Variants in PIK3C2G observed in about 807,000 individuals in gnomAD.
PIK3C2G encodes phosphatidylinositol-4-phosphate 3-kinase catalytic subunit type 2 gamma.
PIK3C2G carries 168 observed loss-of-function variants against 181.1 expected under a neutral mutation model. That is an observed-to-expected ratio of 0.93 (90% confidence interval 0.82 to 1.05). The LOEUF (loss-of-function observed/expected upper bound fraction) is 1.05. Ranked by LOEUF, PIK3C2G falls within the 50% of genes least tolerant of loss-of-function variation. The probability of loss-of-function intolerance (pLI) is 0.00; values close to 1 mark genes in which losing one functional copy is unlikely to be tolerated. For missense variants in PIK3C2G, 1,869 were observed against 1,732.8 expected (o/e 1.08, Z -1.40); for synonymous variants, 573 against 592.2 (o/e 0.97, Z 0.47).
intron 15 of PIK3C2G, among the ~76,000 whole-genome samples, chr12:18,393,159 T>C (rs1161530509): frequency 6.6e-6 from 1 of 152,120 alleles, no homozygotes; most frequent in Non-Finnish European, 1.5e-5. Context: ...CCTTTAAATA[T>C]CAGAGGTTTG....
rs1305386770 is a variant in PIK3C2G, at chr12:18,496,085, T to C, written c.2817T>C (p.Asn939=). 4 of 1,532,240 alleles carry C rather than the reference T, an allele frequency of 2.6e-6. No homozygotes were observed. Among genetic ancestry groups the C allele is most frequent in the Non-Finnish European group, 3.5e-6 (4 of 1,135,322 alleles). 94.9% of individuals were successfully genotyped at this position (1,532,240 alleles called of 1,614,324 possible). Residue 939 remains asparagine (N), a synonymous_variant, in exon 21 of 33, where the codon AAT becomes AAC. Coordinates refer to ENST00000538779, the MANE Select transcript of PIK3C2G (RefSeq NM_001288772.2). ...AGGCATGTTCATATTTTACATCTAA[T>C]GCTTTGCCATTGAAGATTACTTTCA... is the stretch of plus-strand genomic sequence containing the variant. ...DHDACSYFTS[N]ALPLKITFIN... is the part of the protein sequence containing the mutation.
At chr12:18,456,862 C>T (rs368586625) in intron 18 of PIK3C2G, among the ~76,000 whole-genome samples, 56 of 152,276 alleles carry the variant, frequency 3.7e-4, no homozygotes, top group African/African-American at 6.7e-4. Context: ...CTCTCACCAA[C>T]GGCTGAAATA....
intron 16 of PIK3C2G, among the ~76,000 whole-genome samples, chr12:18,409,126 AG>A (rs983899821): frequency 1.3e-5 from 2 of 152,192 alleles, no homozygotes; most frequent in Non-Finnish European, 2.9e-5. Context: ...TGTTCACAAT[AG>A]TAAAGACTTG....
rs1234253018 is a variant in PIK3C2G at position 18,391,887 on chromosome 12, G to A, written c.2126+635G>A. On this transcript the variant is annotated intron_variant, in intron 15 of 32. Coordinates refer to ENST00000538779, the MANE Select transcript of PIK3C2G (RefSeq NM_001288772.2). ...TCTTTGTGCGTGTATGTGTGTGTGT[G>A]TGAGAGAGAGAGAGAGAGATTAAGA... Among the ~76,000 whole-genome samples the A allele has an allele frequency of 2.6e-5, 3 of 114,110 alleles. No homozygotes were observed. In the East Asian group the frequency reaches 7.5e-4, roughly 28 times the overall value. 74.9% of individuals were successfully genotyped at this position (114,110 alleles called of 152,430 possible).
rs1186943548 is a variant in PIK3C2G at position 18,384,603 on chromosome 12, GAGA to G, written c.1995+2729_1995+2731del. On this transcript the variant is annotated intron_variant, in intron 14 of 32. Transcript: ENST00000538779. ...AGAAGAGTGATGGTGGTAGAAGAAG[GAGA>G]AGAAGGTCTATCAGATGAGACTATC... 5.3e-5 allele frequency among the ~76,000 whole-genome samples: 8 copies of G among 152,256 alleles called. 1 individual carries two copies. The highest frequency in any genetic ancestry group is 6.8e-3 in the Middle Eastern group (2 of 294).
At chr12:18,354,671 G>T (rs546679645) in intron 11 of PIK3C2G, among the ~76,000 whole-genome samples, 1 of 152,322 alleles carries the variant, frequency 6.6e-6, no homozygotes, top group Non-Finnish European at 1.5e-5. Flanking sequence ...CCAAACCTTT[G>T]TGCAAAGGGC....
chr12:18,630,137 T>G (rs998929294), intron 31 of PIK3C2G, among the ~76,000 whole-genome samples: 1 of 152,036 alleles, frequency 6.6e-6, no homozygotes, highest in Non-Finnish European at 1.5e-5. Flanking sequence ...GGGGGCCAGG[T>G]GCGGTGGCTC....
chr12:18,658,237 C>T, the PIK3C2G span, among the ~76,000 whole-genome samples: 2 of 151,824 alleles, frequency 1.3e-5, no homozygotes, highest in African/African-American at 4.8e-5. Flanking sequence ...ATTAGGCATC[C>T]CAGAAGATAA....
intron 24 of PIK3C2G, among the ~76,000 whole-genome samples, chr12:18,514,774 C>G (rs980215665): frequency 1.3e-5 from 2 of 151,880 alleles, no homozygotes; most frequent in African/African-American, 2.4e-5. Flanking sequence ...ACTTCCAACA[C>G]TATGTTGAAG....
chr12:18,725,207 G>A, the PIK3C2G span, among the ~76,000 whole-genome samples: 1 of 152,118 alleles, frequency 6.6e-6, no homozygotes, highest in Non-Finnish European at 1.5e-5. Flanking sequence ...AGTAGAAAGA[G>A]AATGGAAAAG....
upstream of PIK3C2G, among the ~76,000 whole-genome samples, chr12:18,244,804 T>C (rs1948022947): frequency 6.6e-6 from 1 of 152,072 alleles, no homozygotes; most frequent in South Asian, 2.1e-4. Context: ...AAGCAATGTA[T>C]GGCAATATGG....
At chr12:18,380,987 C>T (rs1323818934) in intron 13 of PIK3C2G, among the ~76,000 whole-genome samples, 1 of 152,150 alleles carries the variant, frequency 6.6e-6, no homozygotes, top group Non-Finnish European at 1.5e-5. Context: ...ATATTAAAAT[C>T]CAACACTGTT....
chr12:18,628,192 C>G (rs1949186445), intron 31 of PIK3C2G, among the ~76,000 whole-genome samples: 1 of 151,944 alleles, frequency 6.6e-6, no homozygotes, highest in Non-Finnish European at 1.5e-5. Context: ...TAATAGAGTT[C>G]TTTAAATATA....
In PIK3C2G at chr12:18,647,997, A is replaced by C; in HGVS notation, c.4430A>C (p.Lys1477Thr). The C allele has an allele frequency of 6.2e-7, 1 of 1,600,202 alleles. No individual in the cohort carries two copies. The part of the protein sequence containing the change: ...RLCSVPLDKE[K>T]WYPLGNSII Reference sequence around the variant, plus strand: ...TGTAGTGTCCCACTCGATAAAGAAAAATGGTATCCATTAGGAAACAGTATA... The same window carrying C: ...TGTAGTGTCCCACTCGATAAAGAAACATGGTATCCATTAGGAAACAGTATA... The change falls in exon 33 of 33, where the codon AAA becomes ACA. Residue 1477 changes from lysine to threonine, a missense_variant. Lys to Thr is a moderately conservative substitution (Grantham distance 78). Transcript: ENST00000538779.
intron 26 of PIK3C2G, among the ~76,000 whole-genome samples, chr12:18,552,252 T>G (rs965689767): frequency 9.9e-5 from 15 of 152,176 alleles, no homozygotes; most frequent in Non-Finnish European, 1.8e-4. Flanking sequence ...TCCTCATTTA[T>G]TTCTCACGGC....
chr12:18,516,880 T>C lies in PIK3C2G; in HGVS notation c.3323+11419T>C, dbSNP rs1001020767. On this transcript the variant is annotated intron_variant, in intron 24 of 32. Coordinates refer to ENST00000538779, the MANE Select transcript of PIK3C2G (RefSeq NM_001288772.2). Reference sequence around the variant, plus strand: ...GATGGTTTTCCAAATTTTATTTATATTTTTTAAACATTTTCTTTGTTATTC... The same window carrying C: ...GATGGTTTTCCAAATTTTATTTATACTTTTTAAACATTTTCTTTGTTATTC... Among the ~76,000 whole-genome samples, 3 of 151,988 alleles carry C rather than the reference T, an allele frequency of 2.0e-5. No individual in the cohort carries two copies. In the East Asian group the frequency reaches 5.8e-4, roughly 29 times the overall value.
chr12:18,317,011 C>CTTTTT (rs756099726), intron 6 of PIK3C2G, among the ~76,000 whole-genome samples: 5 of 117,188 alleles, frequency 4.3e-5, no homozygotes, highest in South Asian at 2.8e-4. Context: ...AGTCTTGATT[C>CTTTTT]TTTTTTTTTT....
At chr12:18,407,220 A>G (rs563708715) in intron 16 of PIK3C2G, among the ~76,000 whole-genome samples, 2 of 152,266 alleles carry the variant, frequency 1.3e-5, no homozygotes, top group Non-Finnish European at 2.9e-5. Context: ...TTAAATATAA[A>G]TAAATTCATG....
At chr12:18,314,176 T>G in intron 6 of PIK3C2G, 112 bp downstream of exon 6, 1 of 598,132 alleles carries the variant, frequency 1.7e-6, no homozygotes. Context: ...TTAATACATG[T>G]TTATTTAAAT....
Sources: allele counts gnomAD v4.1 joint callset (sites outside exome capture counted in the v4.1 genomes callset), GRCh38; gene constraint gnomAD v4.1.1; transcripts MANE v1.5; gene names NCBI Gene and HGNC (gene_info 2026-07-23, HGNC 2026-07-21).